RELN: variants seen among roughly 807,000 people sequenced by gnomAD.
RELN encodes the protein reelin.
A neutral mutation model predicts 427.6 loss-of-function variants in RELN; 108 were observed. The ratio of observed to expected loss-of-function variants is 0.25; its 90% CI spans 0.22 to 0.30. The LOEUF (loss-of-function observed/expected upper bound fraction) is 0.30, where lower values mean the gene tolerates loss of function less well. Ranked by LOEUF, RELN falls within the 10% of genes least tolerant of loss-of-function variation. The pLI is 1.00. For missense variants in RELN, 3,715 were observed against 4,302.8 expected (o/e 0.86, Z 3.82); for synonymous variants, 1,524 against 1,513.4 (o/e 1.01, Z -0.16).
chr7:103,921,420 A>T (rs1243557631), intron 1 of RELN, among the ~76,000 whole-genome samples: 1 of 152,048 alleles, frequency 6.6e-6, no homozygotes, highest in Non-Finnish European at 1.5e-5. Flanking sequence ...TTCCCAAGGG[A>T]CTTCTTCCCT....
intron 3 of RELN, among the ~76,000 whole-genome samples, chr7:103,788,209 A>C (rs1792069246): frequency 6.6e-6 from 1 of 152,226 alleles, no homozygotes; most frequent in Non-Finnish European, 1.5e-5. Flanking sequence ...AGAGCTATTT[A>C]TGACAAACCC....
chr7:103,561,792 CTG>C lies in RELN; in HGVS notation c.5351+19_5351+20del, dbSNP rs1292605192. ...TATTTTTGCGTTACAAAGAAAGAAA[CTG>C]TCAGTTTTATTAACTTACACACAGC... On this transcript the variant is annotated intron_variant, in intron 35 of 64. Transcript: ENST00000428762. 6.2e-7 allele frequency: 1 copy of C among 1,613,786 alleles called. No individual in the cohort carries two copies. Among genetic ancestry groups the C allele is most frequent in the African/African-American group, 1.3e-5 (1 of 74,874 alleles).
At chr7:103,739,149 T>G (rs1790574060) in intron 6 of RELN, among the ~76,000 whole-genome samples, 1 of 152,198 alleles carries the variant, frequency 6.6e-6, no homozygotes, top group African/African-American at 2.4e-5. Context: ...ATTCTAGTTT[T>G]TGGCTGTTAG....
At chr7:103,474,770 C>T (rs907148174) in intron 64 of RELN, among the ~76,000 whole-genome samples, 1 of 151,658 alleles carries the variant, frequency 6.6e-6, no homozygotes, top group Admixed American at 6.6e-5. Context: ...TTATAGTGGC[C>T]CCCTGAACTA....
intron 3 of RELN, among the ~76,000 whole-genome samples, chr7:103,788,507 C>T (rs1439103767): frequency 1.3e-5 from 2 of 152,164 alleles, no homozygotes; most frequent in Non-Finnish European, 1.5e-5. Context: ...GATACAAAGT[C>T]AATGTGCAGA....
intron 1 of RELN, among the ~76,000 whole-genome samples, chr7:103,971,726 T>C (rs1358549618): frequency 6.6e-6 from 1 of 152,176 alleles, no homozygotes; most frequent in Non-Finnish European, 1.5e-5. Context: ...GTTCTAGGAA[T>C]GGATACTGTG....
chr7:103,539,351 C>G (rs1259072059), intron 44 of RELN, 24 bp from the exon 45 acceptor site: 2 of 1,608,804 alleles, frequency 1.2e-6, no homozygotes, highest in East Asian at 4.5e-5. Context: ...TTAAAAAATC[C>G]CAAATTTTCC....
At chr7:103,921,817 T>C (rs1048678322) in intron 1 of RELN, among the ~76,000 whole-genome samples, 1 of 149,414 alleles carries the variant, frequency 6.7e-6, no homozygotes, top group African/African-American at 2.6e-5. Context: ...ACACGTTCTA[T>C]ACTTCTCTGC....
At chr7:103,672,713 GT>G (rs1234660203) in intron 11 of RELN, among the ~76,000 whole-genome samples, 1 of 151,646 alleles carries the variant, frequency 6.6e-6, no homozygotes, top group African/African-American at 2.4e-5. Flanking sequence ...ATTTAACTTT[GT>G]GTTTAACCTT....
At position 103,753,203 on chromosome 7, in the gene RELN, C is replaced by A; in HGVS notation, c.556G>T (p.Val186Phe). 6.2e-7 allele frequency: 1 copy of A among 1,614,018 alleles called. No individual in the cohort carries two copies. The highest frequency in any genetic ancestry group is 8.5e-7 in the Non-Finnish European group (1 of 1,179,946). Residue 186 changes from valine to phenylalanine, a missense_variant, in exon 5 of 65, where the codon GTC (valine) becomes TTC (phenylalanine). This residue lies in a region of RELN where 2,208 missense variants were observed against 2,361.7 expected (regional missense o/e 0.93). Coordinates refer to ENST00000428762, the MANE Select transcript of RELN (RefSeq NM_005045.4). ...TTACCTAGATGTGGGTGCACAGTGA[C>A]ATCTGTTGGAGCTGAATCAAGAGAG... The part of the protein sequence containing the change: ...QLCEQGAPTD[V>F]TVHPHLAEIH...
In RELN at chr7:103,523,383, C is replaced by A. The variant is rs764690009; in HGVS notation, c.7490+8G>T. 3 of 1,613,912 alleles carry A rather than the reference C, an allele frequency of 1.9e-6. No homozygotes were observed. Among genetic ancestry groups the A allele is most frequent in the East Asian group, 4.5e-5 (2 of 44,862 alleles). ...CTTTCAACAGAAGGAAGAAAAAAAC[C>A]GACTTACACGCAGTTTCCCTGGATG... On this transcript the variant is annotated splice_region_variant and intron_variant, in intron 47 of 64. Transcript: ENST00000428762.
At chr7:103,475,472 T>C (rs780583807) in intron 64 of RELN, among the ~76,000 whole-genome samples, 10 of 152,216 alleles carry the variant, frequency 6.6e-5, no homozygotes, top group Admixed American at 2.6e-4. Flanking sequence ...TAAGGAATAA[T>C]TGCAAAGTTA....
intron 3 of RELN, among the ~76,000 whole-genome samples, chr7:103,802,850 T>G (rs1448727859): frequency 6.6e-6 from 1 of 152,124 alleles, no homozygotes; most frequent in Non-Finnish European, 1.5e-5. Flanking sequence ...TATTACTGGC[T>G]GAAACAAAAA....
intron 2 of RELN, among the ~76,000 whole-genome samples, chr7:103,865,069 G>C: frequency 6.7e-6 from 1 of 149,846 alleles, no homozygotes; most frequent in Non-Finnish European, 1.5e-5. Flanking sequence ...GGAAGGCAGA[G>C]GTGGCAATGA....
At chr7:103,853,043 T>G (rs554551092) in intron 2 of RELN, among the ~76,000 whole-genome samples, 2 of 152,210 alleles carry the variant, frequency 1.3e-5, no homozygotes, top group East Asian at 3.9e-4. Flanking sequence ...TTGAATAATT[T>G]GGATCAGAAA....
chr7:103,567,435 T>C lies in RELN; in HGVS notation c.4589-676A>G, dbSNP rs367774340. On this transcript the variant is annotated intron_variant, in intron 31 of 64. Coordinates refer to ENST00000428762, the MANE Select transcript of RELN (RefSeq NM_005045.4). ...ATCCAGGGGACTGCACATTAAAGTG[T>C]AAGGGACCTCATGTCCCTTCTAAAA... Among the ~76,000 whole-genome samples, 6 of 152,318 alleles carry C rather than the reference T, an allele frequency of 3.9e-5. No homozygotes were observed. In the South Asian group the frequency reaches 1.0e-3, roughly 26 times the overall value.
At chr7:103,974,256 G>A (rs1210654589) in intron 1 of RELN, among the ~76,000 whole-genome samples, 2 of 152,170 alleles carry the variant, frequency 1.3e-5, no homozygotes, top group Admixed American at 1.3e-4. Flanking sequence ...TGTGTGACGA[G>A]TACTATCATC....
chr7:103,905,866 GC>G (rs1415704178), intron 2 of RELN, among the ~76,000 whole-genome samples: 1 of 152,150 alleles, frequency 6.6e-6, no homozygotes, highest in Non-Finnish European at 1.5e-5. Flanking sequence ...CACGGAGGTA[GC>G]GGGAAGGGAG....
intron 2 of RELN, among the ~76,000 whole-genome samples, chr7:103,864,137 C>T (rs1420123607): frequency 1.3e-5 from 2 of 152,126 alleles, no homozygotes; most frequent in African/African-American, 4.8e-5. Context: ...ACTTTTTACT[C>T]TTCTGTCTCT....
Sources: allele counts gnomAD v4.1 joint callset (sites outside exome capture counted in the v4.1 genomes callset), GRCh38; gene constraint gnomAD v4.1.1; regional missense constraint gnomAD v4.1.1; transcripts MANE v1.5; gene names NCBI Gene and HGNC (gene_info 2026-07-23, HGNC 2026-07-21).